Variants in SUCLG2 observed in about 807,000 individuals in gnomAD.
SUCLG2 encodes the protein succinate-CoA ligase GDP-forming subunit beta.
A neutral mutation model predicts 47.9 loss-of-function variants in SUCLG2; 42 were observed. The observed-to-expected ratio is 0.88, with a 90% CI of 0.69 to 1.14. The LOEUF (loss-of-function observed/expected upper bound fraction) is 1.14, where lower values mean the gene tolerates loss of function less well. SUCLG2 is among the 50% of genes most tolerant of loss of function. The pLI is 0.00. For missense variants in SUCLG2, 571 were observed against 525.9 expected, an observed-to-expected ratio of 1.09 and a Z score of -0.84; for synonymous variants, 195 against 197.3, an observed-to-expected ratio of 0.99 and a Z score of 0.10.
chr3:67,457,705 TTTTTTA>T (rs1704221098), intron 9 of SUCLG2, among the ~76,000 whole-genome samples: 1 of 147,814 alleles, frequency 6.8e-6, no homozygotes, highest in Admixed American at 6.8e-5. Context: ...TTTTTTTTTT[TTTTTTA>T]GCTGTTTTTA....
intron 10 of SUCLG2, among the ~76,000 whole-genome samples, chr3:67,398,652 C>A (rs1702608204): frequency 1.3e-5 from 2 of 151,942 alleles, no homozygotes; most frequent in Non-Finnish European, 2.9e-5. Context: ...ACCATTTGAC[C>A]CAGCAATCCC....
At chr3:67,467,202 A>C (rs930728991) in intron 9 of SUCLG2, among the ~76,000 whole-genome samples, 1 of 152,200 alleles carries the variant, frequency 6.6e-6, no homozygotes, top group Non-Finnish European at 1.5e-5. Context: ...TGATAATATA[A>C]ACACACCTAG....
At chr3:67,512,138 C>A (rs1705809969) in intron 6 of SUCLG2, among the ~76,000 whole-genome samples, 1 of 151,130 alleles carries the variant, frequency 6.6e-6, no homozygotes, top group Non-Finnish European at 1.5e-5. Context: ...TTTGAACATG[C>A]TTTTGTTACT....
intron 2 of SUCLG2, among the ~76,000 whole-genome samples, chr3:67,567,045 A>G (rs1215785740): frequency 2.0e-5 from 3 of 152,064 alleles, no homozygotes. Context: ...TTAGCTGCCC[A>G]TGGTGGTGTG....
At chr3:67,585,939 C>A (rs1708002925) in intron 2 of SUCLG2, among the ~76,000 whole-genome samples, 1 of 139,708 alleles carries the variant, frequency 7.2e-6, no homozygotes, top group Non-Finnish European at 1.5e-5. Context: ...TGCACTCCAG[C>A]CTGGGCAAAA....
chr3:67,607,212 C>G (rs574270217), intron 2 of SUCLG2, among the ~76,000 whole-genome samples: 3 of 152,124 alleles, frequency 2.0e-5, no homozygotes, highest in Non-Finnish European at 2.9e-5. Flanking sequence ...TAGATGGTAG[C>G]CACTAGCCAC....
intron 2 of SUCLG2, among the ~76,000 whole-genome samples, chr3:67,581,045 A>G (rs1310271445): frequency 6.6e-6 from 1 of 152,218 alleles, no homozygotes; most frequent in Non-Finnish European, 1.5e-5. Flanking sequence ...CTTGTAAGGT[A>G]AATGGTGCTA....
chr3:67,462,986 G>A (rs539464544), intron 9 of SUCLG2, among the ~76,000 whole-genome samples: 2 of 152,324 alleles, frequency 1.3e-5, no homozygotes, highest in South Asian at 2.1e-4. Context: ...GTTGACTATT[G>A]TGGTGTGAAA....
At chr3:67,466,893 C>T (rs1436253019) in intron 9 of SUCLG2, among the ~76,000 whole-genome samples, 1 of 152,202 alleles carries the variant, frequency 6.6e-6, no homozygotes, top group Non-Finnish European at 1.5e-5. Context: ...TTACTGCTTA[C>T]AAAGGGAGGC....
chr3:67,554,610 A>G (rs1707106421), intron 2 of SUCLG2, among the ~76,000 whole-genome samples: 1 of 152,158 alleles, frequency 6.6e-6, no homozygotes, highest in Admixed American at 6.5e-5. Flanking sequence ...TTTGGCTGTT[A>G]AGGGACCAAA....
chr3:67,640,290 C>A (rs1701077703), intron 1 of SUCLG2, among the ~76,000 whole-genome samples: 2 of 152,130 alleles, frequency 1.3e-5, no homozygotes, highest in Admixed American at 1.3e-4. Context: ...AGCCATTTTG[C>A]AAAGTTAAGC....
chr3:67,364,604 G>A (rs1305140829), intron 10 of SUCLG2, among the ~76,000 whole-genome samples: 1 of 152,192 alleles, frequency 6.6e-6, no homozygotes, highest in African/African-American at 2.4e-5. Context: ...CCTCACTTCA[G>A]GTGTGAATGA....
intron 9 of SUCLG2, among the ~76,000 whole-genome samples, chr3:67,482,351 C>G (rs1282882015): frequency 1.3e-5 from 2 of 152,158 alleles, no homozygotes; most frequent in African/African-American, 4.8e-5. Context: ...GTATTTCACA[C>G]TGTAGGATAA....
Position 67,375,542 on chromosome 3 carries a change from A to G in SUCLG2, c.*202T>C. 2 of 1,355,862 alleles carry G rather than the reference A, an allele frequency of 1.5e-6. No homozygotes were observed. Among genetic ancestry groups the G allele is most frequent in the Non-Finnish European group, 1.9e-6 (2 of 1,054,966 alleles). 84.0% of individuals were successfully genotyped at this position (1,355,862 alleles called of 1,614,324 possible). ...ACAGAAAAGTATGAGAACACAAGAT[A>G]TTATTTTTATAAAGACCAAAATCAG... On this transcript the variant is annotated 3_prime_UTR_variant, in exon 11 of 11. Coordinates refer to ENST00000307227, the MANE Select transcript of SUCLG2 (RefSeq NM_003848.4).
Position 67,418,017 on chromosome 3 carries a change from T to A in SUCLG2, c.1063-17166A>T, listed in dbSNP as rs1197899214. 5.3e-5 allele frequency among the ~76,000 whole-genome samples: 8 copies of A among 152,304 alleles called. No homozygotes were observed. In the South Asian group the frequency reaches 6.2e-4, roughly 12 times the overall value. ...ATAAGATACAAAGATAAATAATACATGATCCTGACTTCGAGGAGCTGTAAA... is the reference window on the plus strand; with the variant it reads ...ATAAGATACAAAGATAAATAATACAAGATCCTGACTTCGAGGAGCTGTAAA... On this transcript the variant is annotated intron_variant, in intron 9 of 10. Transcript: ENST00000307227.
intron 2 of SUCLG2, among the ~76,000 whole-genome samples, chr3:67,583,744 T>C (rs1296265912): frequency 6.6e-6 from 1 of 152,248 alleles, no homozygotes; most frequent in Non-Finnish European, 1.5e-5. Context: ...ATCCAGTTCC[T>C]TGACACAAGG....
At chr3:67,635,382 A>G (rs1186779820) in intron 1 of SUCLG2, among the ~76,000 whole-genome samples, 2 of 152,244 alleles carry the variant, frequency 1.3e-5, no homozygotes. Context: ...GGAAAAGAGA[A>G]TATTTACATT....
chr3:67,408,366 G>A (rs1020837880), intron 9 of SUCLG2, among the ~76,000 whole-genome samples: 12 of 152,098 alleles, frequency 7.9e-5, no homozygotes, highest in Non-Finnish European at 1.0e-4. Context: ...GTGAGTCCAC[G>A]ATCCTGCCTG....
intron 9 of SUCLG2, among the ~76,000 whole-genome samples, chr3:67,406,561 T>A (rs187445594): frequency 6.6e-6 from 1 of 152,188 alleles, no homozygotes; most frequent in East Asian, 1.9e-4. Flanking sequence ...GAGAAAAGTA[T>A]CTTAAGACAA....
Sources: allele counts gnomAD v4.1 joint callset (sites outside exome capture counted in the v4.1 genomes callset), GRCh38; gene constraint gnomAD v4.1.1; transcripts MANE v1.5; gene names NCBI Gene and HGNC (gene_info 2026-07-23, HGNC 2026-07-21).